The following IRAG1 variants were observed in gnomAD, a reference collection of about 807,000 sequenced individuals.
IRAG1 encodes the protein inositol 1,4,5-triphosphate receptor associated 1.
IRAG1 carries 62 observed loss-of-function variants against 106.2 expected under a neutral mutation model. The ratio of observed to expected loss-of-function variants is 0.58; its 90% CI spans 0.48 to 0.72. IRAG1 has a LOEUF of 0.72. IRAG1 is among the 30% of genes least tolerant of loss of function. The pLI is 0.00. For synonymous variants in IRAG1, 462 were observed against 443.9 expected (o/e 1.04, Z -0.51); for missense variants, 1,064 against 1,140.7 (o/e 0.93, Z 0.97).
chr11:10,599,267 T>C (rs1853684611), intron 15 of IRAG1, among the ~76,000 whole-genome samples: 1 of 152,164 alleles, frequency 6.6e-6, no homozygotes, highest in Admixed American at 6.5e-5. Context: ...TTTACCTCTA[T>C]ATTCCAGTAT....
intron 10 of IRAG1, among the ~76,000 whole-genome samples, chr11:10,614,661 T>C (rs1855248766): frequency 6.6e-6 from 1 of 152,202 alleles, no homozygotes; most frequent in Non-Finnish European, 1.5e-5. Context: ...ATCTGATCTT[T>C]GACAAACCTG....
intron 10 of IRAG1, among the ~76,000 whole-genome samples, chr11:10,612,342 C>T (rs1397376625): frequency 6.6e-6 from 1 of 152,196 alleles, no homozygotes; most frequent in Non-Finnish European, 1.5e-5. Context: ...GTATAACAAA[C>T]TCACGTTTTG....
At chr11:10,622,810 T>C (rs1480482995) in intron 10 of IRAG1, among the ~76,000 whole-genome samples, 1 of 150,920 alleles carries the variant, frequency 6.6e-6, no homozygotes, top group Non-Finnish European at 1.5e-5. Flanking sequence ...CTCATACAAT[T>C]TCATTCGTTC....
Position 10,626,545 on chromosome 11 carries a change from G to A in IRAG1, c.789C>T (p.Asp263=). ...PKGLADRKQN[D]QRKVSQGRLA... is the part of the protein sequence containing the mutation. ...GCCTGCCCTGAGACACTTTCCTCTGGTCATTCTGCTTCCTGTCAGCTAGCC... is the reference window on the plus strand; with the variant it reads ...GCCTGCCCTGAGACACTTTCCTCTGATCATTCTGCTTCCTGTCAGCTAGCC... The change falls in exon 9 of 21, where the codon GAC becomes GAT. Residue 263 remains aspartate, a synonymous_variant. Coordinates refer to ENST00000423302, the MANE Select transcript of IRAG1 (RefSeq NM_130385.4). The A allele has an allele frequency of 6.2e-7, 1 of 1,611,884 alleles. No individual in the cohort carries two copies.
At chr11:10,649,783 C>T (rs1340371151) in intron 2 of IRAG1, among the ~76,000 whole-genome samples, 1 of 152,128 alleles carries the variant, frequency 6.6e-6, no homozygotes, top group Non-Finnish European at 1.5e-5. Context: ...TGAGAGTAAG[C>T]GATCCCTGAT....
chr11:10,596,933 TTC>T (rs1361859771), intron 15 of IRAG1, among the ~76,000 whole-genome samples: 3 of 152,214 alleles, frequency 2.0e-5, no homozygotes, highest in African/African-American at 4.8e-5. Context: ...GCAAGCTTGG[TTC>T]TCTGTTTCCT....
intron 14 of IRAG1, 128 bp downstream of exon 14, chr11:10,602,992 G>A (rs960771933): frequency 8.7e-5 from 90 of 1,036,230 alleles, no homozygotes; most frequent in Non-Finnish European, 1.2e-4. Context: ...CTGCAATGAT[G>A]TGCATAGGAT....
chr11:10,643,089 G>GGC (rs1857645272), intron 2 of IRAG1, among the ~76,000 whole-genome samples: 1 of 143,386 alleles, frequency 7.0e-6, no homozygotes, highest in South Asian at 2.2e-4. Context: ...GCGGGAGAAT[G>GGC]GCGTGAACCC....
intron 1 of IRAG1, among the ~76,000 whole-genome samples, chr11:10,679,291 T>C (rs933748193): frequency 6.6e-6 from 1 of 152,162 alleles, no homozygotes; most frequent in Admixed American, 6.5e-5. Context: ...ACCACCCTTA[T>C]CTAGTTCCAG....
At chr11:10,608,413 T>C (rs1329701183) in intron 11 of IRAG1, among the ~76,000 whole-genome samples, 1 of 152,042 alleles carries the variant, frequency 6.6e-6, no homozygotes, top group African/African-American at 2.4e-5. Context: ...TACAGGTGTA[T>C]GAGCCACCAC....
chr11:10,639,856 G>A (rs1857395086), intron 2 of IRAG1, among the ~76,000 whole-genome samples: 1 of 152,178 alleles, frequency 6.6e-6, no homozygotes, highest in South Asian at 2.1e-4. Flanking sequence ...GCAATGATCA[G>A]ATTCTGTTTG....
At chr11:10,669,816 G>A (rs112319748) in intron 1 of IRAG1, among the ~76,000 whole-genome samples, 2,112 of 152,274 alleles carry the variant, frequency 0.014, 22 homozygotes, top group Non-Finnish European at 0.019. Flanking sequence ...GGGGCAAATC[G>A]GTGTAACTGT....
chr11:10,599,483 G>A (rs1853717143), intron 15 of IRAG1, among the ~76,000 whole-genome samples: 1 of 152,208 alleles, frequency 6.6e-6, no homozygotes, highest in African/African-American at 2.4e-5. Flanking sequence ...TAGAGGCCTA[G>A]GTGCATGTGG....
chr11:10,619,865 T>C (rs1392967172), intron 10 of IRAG1, among the ~76,000 whole-genome samples: 1 of 152,214 alleles, frequency 6.6e-6, no homozygotes. Context: ...GGAGTGTATA[T>C]TGTTGGACAC....
rs908036783 is a variant in IRAG1, at chr11:10,647,295, T to G, written c.225+4730A>C. The stretch of plus-strand genomic sequence containing the variant: ...TGAGCTGTATGACCTTGGAGGAAGG[T>G]AGTTAATTTCTTTGTGCCTCAGTTT... On this transcript the variant is annotated intron_variant, in intron 2 of 20. Coordinates refer to ENST00000423302, the MANE Select transcript of IRAG1 (RefSeq NM_130385.4). This position sits in a 1 kb window ranked among gnomAD's most constrained non-coding sequence, Gnocchi z 4.3. 1.3e-5 allele frequency among the ~76,000 whole-genome samples: 2 copies of G among 152,124 alleles called. No homozygotes were observed. The highest frequency in any genetic ancestry group is 2.9e-5 in the Non-Finnish European group (2 of 68,006).
intron 19 of IRAG1, 21 bp from the exon 20 acceptor site, chr11:10,580,610 GTTGAGTC>G: frequency 6.2e-7 from 1 of 1,611,320 alleles, no homozygotes; most frequent in South Asian, 1.1e-5. Context: ...AAAAGGAACA[GTTGAGTC>G]TGGAAAGGGC....
intron 1 of IRAG1, among the ~76,000 whole-genome samples, chr11:10,669,716 T>C (rs79428034): frequency 0.034 from 5,137 of 152,174 alleles, 297 homozygotes; most frequent in African/African-American, 0.12. Flanking sequence ...ACCCTCTCTT[T>C]CAGAAAGTAG....
intron 10 of IRAG1, among the ~76,000 whole-genome samples, chr11:10,615,374 C>T (rs1345388952): frequency 3.3e-5 from 5 of 152,192 alleles, no homozygotes; most frequent in Admixed American, 6.5e-5. Context: ...GACAGTGTGG[C>T]GATTCCTCAA....
intron 10 of IRAG1, among the ~76,000 whole-genome samples, chr11:10,613,274 A>C (rs59240867): frequency 2.0e-5 from 3 of 151,488 alleles, no homozygotes; most frequent in East Asian, 1.9e-4. Context: ...AAAAAAAAAA[A>C]AAAACCCAGA....
Sources: gnomAD v4.1 joint callset for allele counts (sites outside exome capture counted in the v4.1 genomes callset) on GRCh38, gnomAD v4.1.1 for gene constraint, Gnocchi (gnomAD v3.1) non-coding constraint, MANE v1.5 for transcripts, NCBI Gene and HGNC (gene_info 2026-07-23, HGNC 2026-07-21) for gene names.